The following CLSTN2 variants were observed in gnomAD, a reference collection of about 807,000 sequenced individuals.
CLSTN2 encodes calsyntenin 2.
CLSTN2 carries 48 observed loss-of-function variants against 101.2 expected under a neutral mutation model. The ratio of observed to expected loss-of-function variants is 0.47; its 90% confidence interval spans 0.38 to 0.60. The LOEUF is 0.60. Among genes scored for constraint, CLSTN2 ranks in the 20% least tolerant of loss-of-function variants. The pLI, the probability that CLSTN2 is intolerant of heterozygous loss-of-function variation, is 0.00. For synonymous variants in CLSTN2, 481 were observed against 463.6 expected (o/e 1.04, Z -0.48); for missense variants, 1,160 against 1,238.2 (o/e 0.94, Z 0.95).
intron 2 of CLSTN2, among the ~76,000 whole-genome samples, chr3:140,353,971 A>G (rs1240448751): frequency 1.3e-5 from 2 of 152,182 alleles, no homozygotes; most frequent in East Asian, 1.9e-4. Flanking sequence ...AGGCAGATCT[A>G]AGGCTGAGCC....
chr3:140,306,716 G>A (rs1234319237), intron 2 of CLSTN2, among the ~76,000 whole-genome samples: 4 of 152,080 alleles, frequency 2.6e-5, no homozygotes, highest in African/African-American at 7.2e-5. Flanking sequence ...TGAGTCTCTA[G>A]TTTCAGCACC....
At chr3:140,386,654 T>TGTGCTGAGCC (rs1309832684) in intron 2 of CLSTN2, among the ~76,000 whole-genome samples, 11 of 152,250 alleles carry the variant, frequency 7.2e-5, no homozygotes, top group Admixed American at 6.5e-5. Flanking sequence ...TGTGCTGTGC[T>TGTGCTGAGCC]GTGCTGAGCC....
chr3:140,415,929 T>G (rs1012975930), intron 4 of CLSTN2, among the ~76,000 whole-genome samples: 40 of 152,160 alleles, frequency 2.6e-4, no homozygotes, highest in African/African-American at 9.7e-4. Context: ...TTATTCACAA[T>G]AGCAAAGATG....
At chr3:139,978,001 C>A (rs1576383823) in intron 1 of CLSTN2, among the ~76,000 whole-genome samples, 1 of 152,128 alleles carries the variant, frequency 6.6e-6, no homozygotes, top group Non-Finnish European at 1.5e-5. Flanking sequence ...GAGGGGCTGG[C>A]TCTGAGGAAG....
intron 8 of CLSTN2, among the ~76,000 whole-genome samples, chr3:140,517,200 A>G (rs962636629): frequency 1.2e-4 from 18 of 152,038 alleles, no homozygotes; most frequent in Admixed American, 4.6e-4. Context: ...CACTTATGCT[A>G]TCTATTTTAC....
intron 2 of CLSTN2, among the ~76,000 whole-genome samples, chr3:140,329,510 G>A (rs114910171): frequency 1.3e-5 from 2 of 152,060 alleles, no homozygotes; most frequent in African/African-American, 4.8e-5. Flanking sequence ...CCTGTGCTGT[G>A]TACCAGGCAT....
chr3:140,327,161 C>A (rs1208881158), intron 2 of CLSTN2, among the ~76,000 whole-genome samples: 1 of 152,170 alleles, frequency 6.6e-6, no homozygotes, highest in Non-Finnish European at 1.5e-5. Context: ...TATACACATG[C>A]GCTGAATGAG....
At chr3:140,135,268 C>T (rs1166308667) in intron 1 of CLSTN2, among the ~76,000 whole-genome samples, 1 of 151,298 alleles carries the variant, frequency 6.6e-6, no homozygotes, top group Non-Finnish European at 1.5e-5. Context: ...TTGTTTCCTT[C>T]TGTGTTTCCC....
chr3:140,055,480 C>T (rs1360557382), intron 1 of CLSTN2, among the ~76,000 whole-genome samples: 2 of 152,304 alleles, frequency 1.3e-5, no homozygotes, highest in African/African-American at 4.8e-5. Flanking sequence ...AGTTTTGCCA[C>T]TCATTAGCTG....
At chr3:140,342,357 C>T (rs927244622) in intron 2 of CLSTN2, among the ~76,000 whole-genome samples, 2 of 152,112 alleles carry the variant, frequency 1.3e-5, no homozygotes, top group Admixed American at 6.6e-5. Flanking sequence ...CAAAATCGCT[C>T]TCACTTGAGA....
At chr3:140,367,511 C>CA (rs34398474) in intron 2 of CLSTN2, among the ~76,000 whole-genome samples, 1,124 of 96,382 alleles carry the variant, frequency 0.012, 16 homozygotes, top group African/African-American at 0.033. Context: ...CACTTTGTCT[C>CA]AAAAAAAAAA....
chr3:140,431,775 C>T (rs1178949451), intron 5 of CLSTN2, among the ~76,000 whole-genome samples: 1 of 152,196 alleles, frequency 6.6e-6, no homozygotes, highest in East Asian at 1.9e-4. Flanking sequence ...AAGGGCTGAA[C>T]CCAACCCTTA....
intron 1 of CLSTN2, among the ~76,000 whole-genome samples, chr3:140,041,011 G>C (rs989232368): frequency 1.3e-5 from 2 of 152,118 alleles, no homozygotes; most frequent in Non-Finnish European, 2.9e-5. Context: ...CAAATCAGAC[G>C]GCCCGAGTGG....
chr3:139,948,548 G>T (rs949426167), intron 1 of CLSTN2, among the ~76,000 whole-genome samples: 3 of 152,080 alleles, frequency 2.0e-5, no homozygotes, highest in Non-Finnish European at 4.4e-5. Flanking sequence ...GGCTTGCTAT[G>T]AGCCACCATT....
intron 1 of CLSTN2, among the ~76,000 whole-genome samples, chr3:140,123,708 A>G (rs9289598): frequency 0.72 from 109,924 of 151,946 alleles, 39,862 homozygotes; most frequent in East Asian, 0.81. Context: ...GCTTCTGGTA[A>G]GGCCTCTCAT....
At chr3:140,134,721 C>T (rs755713052) in intron 1 of CLSTN2, among the ~76,000 whole-genome samples, 3 of 152,084 alleles carry the variant, frequency 2.0e-5, no homozygotes, top group Non-Finnish European at 2.9e-5. Context: ...CACTGTACAA[C>T]GGCGATCATC....
At chr3:140,532,009 G>C (rs1279004743) in intron 8 of CLSTN2, among the ~76,000 whole-genome samples, 1 of 152,136 alleles carries the variant, frequency 6.6e-6, no homozygotes, top group East Asian at 1.9e-4. Flanking sequence ...CCTGTACTGA[G>C]TCCAGGCCAG....
chr3:140,214,427 C>G (rs2010896554), intron 2 of CLSTN2, among the ~76,000 whole-genome samples: 1 of 147,412 alleles, frequency 6.8e-6, no homozygotes, highest in African/African-American at 2.5e-5. Context: ...GCACTCCAGC[C>G]TGGGCCTTGC....
chr3:140,154,177 C>A (rs1205846146), intron 1 of CLSTN2, among the ~76,000 whole-genome samples: 1 of 152,038 alleles, frequency 6.6e-6, no homozygotes, highest in Non-Finnish European at 1.5e-5. Context: ...GAGGATCCTT[C>A]AGATGGGGTC....
Sources: gnomAD v4.1 joint callset for allele counts (sites outside exome capture counted in the v4.1 genomes callset) on GRCh38, gnomAD v4.1.1 for gene constraint, MANE v1.5 for transcripts, NCBI Gene and HGNC (gene_info 2026-07-23, HGNC 2026-07-21) for gene names.